MTARC1: variants seen among roughly 807,000 people sequenced by gnomAD.
The protein encoded by MTARC1 is mitochondrial amidoxime reducing component 1.
MTARC1 carries 24 observed loss-of-function variants against 33.6 expected under a neutral mutation model. The ratio of observed to expected loss-of-function variants is 0.72; its 90% CI spans 0.52 to 1.01. The LOEUF is 1.01. Among genes scored for constraint, MTARC1 ranks in the 50% least tolerant of loss-of-function variants. The pLI, the probability that MTARC1 is intolerant of heterozygous loss-of-function variation, is 0.00. For missense variants in MTARC1, 417 were observed against 445.7 expected (o/e 0.94, Z 0.58); for synonymous variants, 187 against 189.5 (o/e 0.99, Z 0.11).
chr1:220,808,798 A>G (rs1673044300), intron 6 of MTARC1: 1 of 470,832 alleles, frequency 2.1e-6, no homozygotes, highest in Non-Finnish European at 4.4e-6. Context: ...CGGGAGGCAC[A>G]GTGGAGGCAT....
rs185764537 is a variant in MTARC1, at chr1:220,812,257, A to G, written c.888-1035A>G. On this transcript the variant is annotated intron_variant, in intron 6 of 6. Coordinates refer to ENST00000366910, the MANE Select transcript of MTARC1 (RefSeq NM_022746.4). The stretch of plus-strand genomic sequence containing the variant: ...GGAGCAGATGGCAACAGGTCTGAAA[A>G]AGCAGGCTGGGGCCAGGTAGAGCCC... Among the ~76,000 whole-genome samples the G allele has an allele frequency of 4.6e-5, 7 of 152,350 alleles. No homozygotes were observed. The East Asian group carries it at 9.6e-4, about 21-fold the overall frequency.
At chr1:220,798,766 T>C (rs943031069) in intron 4 of MTARC1, 1 of 857,334 alleles carries the variant, frequency 1.2e-6, no homozygotes, top group Non-Finnish European at 1.4e-6. Flanking sequence ...CAAATTTATG[T>C]TGAGAAGGGA....
intron 1 of MTARC1, 99 bp downstream of exon 1, chr1:220,787,318 G>A: frequency 7.3e-7 from 1 of 1,366,510 alleles, no homozygotes; most frequent in Non-Finnish European, 9.4e-7. Flanking sequence ...CTGCTAACAG[G>A]TCCTTCCTCC....
At chr1:220,791,859 T>C (rs1312599881) in intron 2 of MTARC1, among the ~76,000 whole-genome samples, 195 bp downstream of exon 2, 1 of 152,046 alleles carries the variant, frequency 6.6e-6, no homozygotes, top group African/African-American at 2.4e-5. Context: ...CTTCAGAAAC[T>C]TGTGTTGTGG....
chr1:220,797,293 A>G (rs2102594395), intron 3 of MTARC1, among the ~76,000 whole-genome samples: 1 of 152,258 alleles, frequency 6.6e-6, no homozygotes, highest in East Asian at 1.9e-4. Flanking sequence ...TAAAAAAAAT[A>G]AATTATGCTG....
intron 6 of MTARC1, among the ~76,000 whole-genome samples, chr1:220,810,219 G>A (rs1673087112): frequency 6.6e-6 from 1 of 152,082 alleles, no homozygotes; most frequent in Non-Finnish European, 1.5e-5. Context: ...TTAAAAAATC[G>A]TAGAAGACCC....
chr1:220,791,760 A>G, intron 2 of MTARC1, 96 bp downstream of exon 2: 1 of 1,353,842 alleles, frequency 7.4e-7, no homozygotes, highest in South Asian at 1.3e-5. Context: ...AAACATATCA[A>G]TAATGAACCG....
In MTARC1 at chr1:220,813,349, G is replaced by T. The variant is rs1401634015; in HGVS notation, c.945G>T (p.Gly315=). The T allele has an allele frequency of 6.2e-7, 1 of 1,614,014 alleles. No homozygotes were observed. The highest frequency in any genetic ancestry group is 1.3e-5 in the African/African-American group (1 of 74,896). Residue 315 remains glycine, a synonymous_variant, in exon 7 of 7, where the codon GGG becomes GGT. Coordinates refer to ENST00000366910, the MANE Select transcript of MTARC1 (RefSeq NM_022746.4). The part of the protein sequence containing the change: ...RKLYGKSPLF[G]QYFVLENPGT... ...TATATGGAAAATCACCACTCTTTGG[G>T]CAGTATTTTGTGCTGGAAAACCCAG... is the stretch of plus-strand genomic sequence containing the variant.
chr1:220,788,541 CACTTTG>C (rs1672313393), intron 1 of MTARC1, among the ~76,000 whole-genome samples: 1 of 152,144 alleles, frequency 6.6e-6, no homozygotes, highest in Non-Finnish European at 1.5e-5. Context: ...GTAATCCCAG[CACTTTG>C]GGAGGCCGAG....
At position 220,797,958 on chromosome 1, in the gene MTARC1, A is replaced by C; in HGVS notation, c.697A>C (p.Lys233Gln). 5.6e-6 allele frequency: 9 copies of C among 1,614,246 alleles called. No homozygotes were observed. The highest frequency in any genetic ancestry group is 7.6e-6 in the Non-Finnish European group (9 of 1,180,038). ...CAACTCCAGGCTAGAGAAGAAAGTT[A>C]AAGCAACCAACTTCAGGCCCAATAT... is the stretch of plus-strand genomic sequence containing the variant. ...DLNSRLEKKV[K>Q]ATNFRPNIVI... The change falls in exon 4 of 7, where the codon AAA becomes CAA. Residue 233 changes from lysine to glutamine, a missense_variant. Physicochemically the swap from Lys to Gln is moderately conservative, Grantham distance 53. Transcript: ENST00000366910.
chr1:220,787,226 C>A lies in MTARC1; in HGVS notation c.275+7C>A. On this transcript the variant is annotated splice_region_variant and intron_variant, in intron 1 of 6. Coordinates refer to ENST00000366910, the MANE Select transcript of MTARC1 (RefSeq NM_022746.4). ...GCGGCAACCTGCGGGACAGGTACGG[C>A]CAAGCGCCGGCGCGGGGCAGCGCTG... 6.4e-7 allele frequency: 1 copy of A among 1,559,594 alleles called. No homozygotes were observed. The highest frequency in any genetic ancestry group is 8.7e-7 in the Non-Finnish European group (1 of 1,153,996).
intron 6 of MTARC1, among the ~76,000 whole-genome samples, chr1:220,806,695 C>T (rs1267169746): frequency 1.3e-5 from 2 of 152,220 alleles, no homozygotes; most frequent in African/African-American, 4.8e-5. Context: ...GCTGTCATCC[C>T]CGCTGTCACC....
intron 4 of MTARC1, among the ~76,000 whole-genome samples, chr1:220,804,359 T>C (rs555533835): frequency 6.6e-6 from 1 of 152,280 alleles, no homozygotes; most frequent in African/African-American, 2.4e-5. Flanking sequence ...TTTGTGAATA[T>C]TTCTGGCATT....
rs567622077 is a variant in MTARC1 at position 220,801,068 on chromosome 1, G to A, written c.753+3054G>A. ...GTAAGTCACATCATGTGATTTGTCT[G>A]CTCAAAGCCCTCTCATGGTTCTCCA... On this transcript the variant is annotated intron_variant, in intron 4 of 6. Transcript: ENST00000366910. Among the ~76,000 whole-genome samples the A allele has an allele frequency of 9.2e-5, 14 of 152,270 alleles. No homozygotes were observed. In the South Asian group the frequency reaches 2.9e-3, roughly 32 times the overall value.
intron 6 of MTARC1, among the ~76,000 whole-genome samples, chr1:220,809,297 T>C (rs922421809): frequency 3.2e-4 from 49 of 152,202 alleles, no homozygotes; most frequent in Non-Finnish European, 4.9e-4. Context: ...ACAGTGACCA[T>C]GTAAGCTGCG....
Position 220,796,719 on chromosome 1 carries a change from C to T in MTARC1, c.526C>T (p.Gln176Ter), listed in dbSNP as rs1231250990. Residue 176 changes from glutamine (Q) to a stop codon, truncating the protein, a stop_gained, in exon 3 of 7, where the codon CAG (glutamine) becomes TAG (stop). Coordinates refer to ENST00000366910, the MANE Select transcript of MTARC1 (RefSeq NM_022746.4). LOFTEE classifies it high-confidence loss of function. ...GTGGATAACCAGCTTCCTGAAGTCACAGCCCTACCGCCTGGTGCACTTCGA... is the reference window on the plus strand; with the variant it reads ...GTGGATAACCAGCTTCCTGAAGTCATAGCCCTACCGCCTGGTGCACTTCGA... ...AQWITSFLKS[Q>*]PYRLVHFEPH... 6.2e-7 allele frequency: 1 copy of T among 1,612,984 alleles called. No individual in the cohort carries two copies.
At chr1:220,801,509 T>A (rs2102599903) in intron 4 of MTARC1, among the ~76,000 whole-genome samples, 1 of 152,150 alleles carries the variant, frequency 6.6e-6, no homozygotes, top group Admixed American at 6.5e-5. Context: ...ATCTGTTAAA[T>A]GAATGACCTG....
At chr1:220,807,250 A>G (rs980857511) in intron 6 of MTARC1, among the ~76,000 whole-genome samples, 1 of 152,322 alleles carries the variant, frequency 6.6e-6, no homozygotes, top group Middle Eastern at 3.4e-3. Context: ...CAAAAAGACA[A>G]TACAGTGGAT....
At chr1:220,796,551 G>A in intron 2 of MTARC1, 92 bp from the exon 3 acceptor site, 1 of 1,380,776 alleles carries the variant, frequency 7.2e-7, no homozygotes, top group Non-Finnish European at 9.6e-7. Context: ...TAATGTTACA[G>A]CTAGGAGCAG....
Sources: allele counts gnomAD v4.1 joint callset (sites outside exome capture counted in the v4.1 genomes callset), GRCh38; gene constraint gnomAD v4.1.1; transcripts MANE v1.5; gene names NCBI Gene and HGNC (gene_info 2026-07-23, HGNC 2026-07-21).